The following ZDHHC3 variants were observed in gnomAD, a reference collection of about 807,000 sequenced individuals.
ZDHHC3 encodes the protein palmitoyltransferase ZDHHC3.
ZDHHC3 carries 9 observed loss-of-function variants against 30.6 expected under a neutral mutation model. The observed-to-expected ratio is 0.29, with a 90% CI of 0.18 to 0.51. The LOEUF (loss-of-function observed/expected upper bound fraction) is 0.51. ZDHHC3 is among the 20% of genes least tolerant of loss of function. The probability of loss-of-function intolerance (pLI) is 0.97; values close to 1 mark genes in which losing one functional copy is unlikely to be tolerated. For missense variants in ZDHHC3, 246 were observed against 384.2 expected, an observed-to-expected ratio of 0.64 and a Z score of 3.01; for synonymous variants, 136 against 140.2, an observed-to-expected ratio of 0.97 and a Z score of 0.21.
At chr3:44,954,343 CT>C (rs1703738164) in intron 2 of ZDHHC3, among the ~76,000 whole-genome samples, 1 of 152,222 alleles carries the variant, frequency 6.6e-6, no homozygotes, top group Non-Finnish European at 1.5e-5. Context: ...TATGTTTTTA[CT>C]GTACCATTTC....
In ZDHHC3 at chr3:44,973,846, T is replaced by C. The variant is rs115802716; in HGVS notation, c.-25+2087A>G. Among the ~76,000 whole-genome samples the C allele has an allele frequency of 8.6e-3, 1,313 of 152,334 alleles. 21 individuals are homozygous for C. The highest frequency in any genetic ancestry group is 0.029 in the African/African-American group (1,225 of 41,568). On this transcript the variant is annotated intron_variant, in intron 1 of 6. Coordinates refer to ENST00000424952, the MANE Select transcript of ZDHHC3 (RefSeq NM_001135179.2). ...TGTTGAAAATTAGAGTATAAGGTTT[T>C]AGAATACACAAACCTACAGAATAGT...
At chr3:44,972,661 C>T (rs879569635) in intron 1 of ZDHHC3, among the ~76,000 whole-genome samples, 2 of 152,200 alleles carry the variant, frequency 1.3e-5, no homozygotes, top group Non-Finnish European at 2.9e-5. Flanking sequence ...ACAATTAGCA[C>T]CTTATTATAG....
At chr3:44,949,164 A>G (rs929190869) in intron 2 of ZDHHC3, among the ~76,000 whole-genome samples, 1 of 152,202 alleles carries the variant, frequency 6.6e-6, no homozygotes, top group Non-Finnish European at 1.5e-5. Flanking sequence ...AGCCTATGAC[A>G]GAAAGTTCAA....
At chr3:44,968,736 C>CT (rs1705162607) in intron 1 of ZDHHC3, among the ~76,000 whole-genome samples, 1 of 152,182 alleles carries the variant, frequency 6.6e-6, no homozygotes, top group South Asian at 2.1e-4. Flanking sequence ...AGCATTCCTT[C>CT]TTCTATGAGC....
At chr3:44,929,490 C>T (rs1701302804) in intron 5 of ZDHHC3, 54 bp from the exon 6 acceptor site, 4 of 1,601,492 alleles carry the variant, frequency 2.5e-6, no homozygotes, top group East Asian at 2.2e-5. Context: ...GCCTGCTGCC[C>T]AGGCTCACTG....
At chr3:44,958,917 C>T (rs1326242862) in intron 2 of ZDHHC3, among the ~76,000 whole-genome samples, 1 of 152,216 alleles carries the variant, frequency 6.6e-6, no homozygotes, top group East Asian at 1.9e-4. Context: ...TATCATTTAA[C>T]CAAGACAGAT....
At chr3:44,946,848 G>A (rs1023689567) in intron 2 of ZDHHC3, among the ~76,000 whole-genome samples, 1 of 152,192 alleles carries the variant, frequency 6.6e-6, no homozygotes, top group African/African-American at 2.4e-5. Context: ...CCCATGTGGT[G>A]CGCTGAATAC....
In ZDHHC3 at chr3:44,959,047, C is replaced by T; in HGVS notation, c.306+84G>A. On this transcript the variant is annotated intron_variant, in intron 2 of 6. Coordinates refer to ENST00000424952, the MANE Select transcript of ZDHHC3 (RefSeq NM_001135179.2). This position sits in a 1 kb window ranked among gnomAD's most constrained non-coding sequence, Gnocchi z 4.3. ...CTCCTATCCTCCAAGTTCCCAAGGT[C>T]CAGGGGGAACATGCAGGCTGTGGCC... The T allele has an allele frequency of 6.5e-7, 1 of 1,527,262 alleles. No individual in the cohort carries two copies. Among genetic ancestry groups the T allele is most frequent in the Non-Finnish European group, 9.0e-7 (1 of 1,117,210 alleles). The allele number at this position is 1,527,262 out of a possible 1,614,324, so 94.6% of individuals were successfully genotyped here.
rs1700249684 is a variant in ZDHHC3, at chr3:44,917,390, G to A, written c.*9299C>T. 1 of 163,856 alleles carries A rather than the reference G, an allele frequency of 6.1e-6. No individual in the cohort carries two copies. The highest frequency in any genetic ancestry group is 1.4e-5 in the Non-Finnish European group (1 of 73,680). The allele number at this position is 163,856 out of a possible 1,614,324, so 10.2% of individuals were successfully genotyped here. On this transcript the variant is annotated 3_prime_UTR_variant, in exon 7 of 7. Transcript: ENST00000424952. ...AGCTGGCAGCTCTGCAGTCTTTCCAGGCTAGTCTCCCCTGATGTCAGTGTC... is the reference window on the plus strand; with the variant it reads ...AGCTGGCAGCTCTGCAGTCTTTCCAAGCTAGTCTCCCCTGATGTCAGTGTC...
rs747206876 is a variant in ZDHHC3 at position 44,932,939 on chromosome 3, T to G, written c.610+179A>C. 1.9e-6 allele frequency: 3 copies of G among 1,614,164 alleles called. No individual in the cohort carries two copies. In the Admixed American group the frequency reaches 5.0e-5, roughly 27 times the overall value. On this transcript the variant is annotated intron_variant, in intron 5 of 6. Transcript: ENST00000424952. ...ACTGAAGTTAAGGGGCTGCATTTTT[T>G]CATGAAGAGAGATTCCAGTCTCTGC...
rs1442368916 is a variant in ZDHHC3 at position 44,926,211 on chromosome 3, C to T, written c.*478G>A. On this transcript the variant is annotated 3_prime_UTR_variant, in exon 7 of 7. Coordinates refer to ENST00000424952, the MANE Select transcript of ZDHHC3 (RefSeq NM_001135179.2). ...CCCTTCTCAGGCCTCAAGGGGTAAG[C>T]ATCCATCTTCGGTGAGGTTTTATGT... is the stretch of plus-strand genomic sequence containing the variant. The T allele has an allele frequency of 1.0e-6, 1 of 985,916 alleles. No homozygotes were observed. Among genetic ancestry groups the T allele is most frequent in the African/African-American group, 1.7e-5 (1 of 57,274 alleles). The allele number at this position is 985,916 out of a possible 1,614,324, so 61.1% of individuals were successfully genotyped here.
At position 44,920,179 on chromosome 3, in the gene ZDHHC3, A is replaced by C. The variant is rs971709509; in HGVS notation, c.*6510T>G. The C allele has an allele frequency of 3.9e-6, 5 of 1,286,484 alleles. No homozygotes were observed. In the African/African-American group the frequency reaches 6.1e-5, roughly 16 times the overall value. The allele number at this position is 1,286,484 out of a possible 1,614,324, so 79.7% of individuals were successfully genotyped here. A position where few individuals can be genotyped will look rare whatever the true frequency, so the allele number is the denominator to read the frequency against. On this transcript the variant is annotated 3_prime_UTR_variant, in exon 7 of 7. Coordinates refer to ENST00000424952, the MANE Select transcript of ZDHHC3 (RefSeq NM_001135179.2). ...TCAGAAAATGGATCTTGTTGACACA[A>C]GTCTAAAGGGACCTTCATGTGGGTC... is the stretch of plus-strand genomic sequence containing the variant.
intron 3 of ZDHHC3, among the ~76,000 whole-genome samples, chr3:44,937,006 G>C (rs1702022888): frequency 6.6e-6 from 1 of 151,942 alleles, no homozygotes; most frequent in Non-Finnish European, 1.5e-5. Flanking sequence ...CAATAGATGT[G>C]CTCATTGACA....
intron 3 of ZDHHC3, chr3:44,938,473 A>G (rs982514978): frequency 4.2e-5 from 9 of 212,178 alleles, no homozygotes; most frequent in Middle Eastern, 2.8e-3. Flanking sequence ...TGGAGTGCCC[A>G]GCTACTTAGA....
rs188619834 is a variant in ZDHHC3 at position 44,935,198 on chromosome 3, A to G, written c.432-1214T>C. Reference sequence around the variant, plus strand: ...AGGAATGTGAGCCCATTTAATTATTAGGCCTAGAGAGGCACTGAAATAAGA... The same window carrying G: ...AGGAATGTGAGCCCATTTAATTATTGGGCCTAGAGAGGCACTGAAATAAGA... On this transcript the variant is annotated intron_variant, in intron 3 of 6. Transcript: ENST00000424952. Among the ~76,000 whole-genome samples the G allele has an allele frequency of 6.3e-3, 966 of 152,342 alleles. 8 individuals carry two copies. The highest frequency in any genetic ancestry group is 7.6e-3 in the Non-Finnish European group (516 of 68,040).
At chr3:44,945,140 G>A in intron 3 of ZDHHC3, 28 bp downstream of exon 3, 1 of 1,613,202 alleles carries the variant, frequency 6.2e-7, no homozygotes, top group South Asian at 1.1e-5. Context: ...AGTGGGAGAA[G>A]AGAGGAGGCG....
At position 44,976,122 on chromosome 3, in the gene ZDHHC3, C is replaced by T; in HGVS notation, c.-214G>A. The T allele has an allele frequency of 5.8e-6, 3 of 519,450 alleles. No homozygotes were observed. Among genetic ancestry groups the T allele is most frequent in the Non-Finnish European group, 9.4e-6 (3 of 320,294 alleles). 32.2% of individuals were successfully genotyped at this position (519,450 alleles called of 1,614,324 possible). A position where few individuals can be genotyped will look rare whatever the true frequency, so the allele number is the denominator to read the frequency against. On this transcript the variant is annotated 5_prime_UTR_variant, in exon 1 of 7. Transcript: ENST00000424952. ...CGGCGCGCAGGAGAAGCCCATCGAG[C>T]TCTCCCGGCAGTGGCGGCGGCCGCG...
In ZDHHC3 at chr3:44,918,133, C is replaced by A. The variant is rs140195587; in HGVS notation, c.*8556G>T. 3 of 1,304,436 alleles carry A rather than the reference C, an allele frequency of 2.3e-6. No individual in the cohort carries two copies. Among genetic ancestry groups the A allele is most frequent in the Non-Finnish European group, 3.0e-6 (3 of 988,260 alleles). 80.8% of individuals were successfully genotyped at this position (1,304,436 alleles called of 1,614,324 possible). Reference sequence around the variant, plus strand: ...CCTGGGCTGGTTCTTTCGTTTGAGGCGCTCGATGCCCTGCAGGGAGAAGGG... The same window carrying A: ...CCTGGGCTGGTTCTTTCGTTTGAGGAGCTCGATGCCCTGCAGGGAGAAGGG... On this transcript the variant is annotated 3_prime_UTR_variant, in exon 7 of 7. Transcript: ENST00000424952.
Position 44,923,270 on chromosome 3 carries a change from G to T in ZDHHC3, c.*3419C>A. On this transcript the variant is annotated 3_prime_UTR_variant, in exon 7 of 7. Coordinates refer to ENST00000424952, the MANE Select transcript of ZDHHC3 (RefSeq NM_001135179.2). ...TTTTTATATTTTTAGTAGAGACAGGGTTTCACCGTGTTAGCCAGGATGATC... is the reference window on the plus strand; with the variant it reads ...TTTTTATATTTTTAGTAGAGACAGGTTTTCACCGTGTTAGCCAGGATGATC... The T allele has an allele frequency of 2.2e-6, 2 of 904,430 alleles. No individual in the cohort carries two copies. The highest frequency in any genetic ancestry group is 2.6e-6 in the Non-Finnish European group (2 of 756,362). 56.0% of individuals were successfully genotyped at this position (904,430 alleles called of 1,614,324 possible).
Sources: allele counts gnomAD v4.1 joint callset (sites outside exome capture counted in the v4.1 genomes callset), GRCh38; gene constraint gnomAD v4.1.1; non-coding constraint Gnocchi (gnomAD v3.1); transcripts MANE v1.5; gene names NCBI Gene and HGNC (gene_info 2026-07-23, HGNC 2026-07-21).